CTTNBP2: variants seen among roughly 807,000 people sequenced by gnomAD.
CTTNBP2 encodes the protein cortactin binding protein 2.
A neutral mutation model predicts 156.9 loss-of-function variants in CTTNBP2; 108 were observed. That is an observed-to-expected ratio of 0.69 (90% CI 0.59 to 0.81). The LOEUF is 0.81. Among genes scored for constraint, CTTNBP2 ranks in the 30% least tolerant of loss-of-function variants. The probability of loss-of-function intolerance (pLI) is 0.00; values close to 1 mark genes in which losing one functional copy is unlikely to be tolerated. For missense variants in CTTNBP2, 1,924 were observed against 2,035.4 expected (o/e 0.95, Z 1.05); for synonymous variants, 767 against 751.8 (o/e 1.02, Z -0.33).
At chr7:117,868,049 C>T (rs185020381) in intron 1 of CTTNBP2, among the ~76,000 whole-genome samples, 3 of 152,252 alleles carry the variant, frequency 2.0e-5, no homozygotes, top group East Asian at 3.9e-4. Flanking sequence ...CAGATCTCCC[C>T]GCAGTCTCTA....
intron 2 of CTTNBP2, among the ~76,000 whole-genome samples, chr7:117,825,645 C>T (rs1296184396): frequency 6.6e-6 from 1 of 152,092 alleles, no homozygotes; most frequent in African/African-American, 2.4e-5. Context: ...TAGAATCTGT[C>T]GCTTCAAAGT....
intron 7 of CTTNBP2, 47 bp from the exon 8 acceptor site, chr7:117,777,812 G>A: frequency 6.5e-7 from 1 of 1,546,418 alleles, no homozygotes; most frequent in Non-Finnish European, 8.8e-7. Context: ...CAACATTAAT[G>A]TCAAGGAAAA....
intron 3 of CTTNBP2, among the ~76,000 whole-genome samples, chr7:117,795,223 C>T (rs1036447108): frequency 2.6e-5 from 4 of 152,132 alleles, no homozygotes; most frequent in African/African-American, 7.2e-5. Flanking sequence ...ATCTTATTCA[C>T]GTGGGAGCCT....
intron 2 of CTTNBP2, among the ~76,000 whole-genome samples, chr7:117,854,686 G>A (rs1362626715): frequency 6.6e-6 from 1 of 152,092 alleles, no homozygotes; most frequent in Non-Finnish European, 1.5e-5. Context: ...TAGTTTAAAG[G>A]TATACTTTTT....
chr7:117,842,000 C>T (rs565476488), intron 2 of CTTNBP2, among the ~76,000 whole-genome samples: 19 of 152,190 alleles, frequency 1.2e-4, no homozygotes, highest in East Asian at 1.2e-3. Context: ...GCATGAGAGA[C>T]GCTTGGAAAA....
intron 3 of CTTNBP2, among the ~76,000 whole-genome samples, chr7:117,805,907 T>A (rs1799910814): frequency 6.6e-6 from 1 of 152,154 alleles, no homozygotes. Context: ...CTACAAAGGA[T>A]ATGAAAATCC....
chr7:117,769,366 A>G (rs1797688077), intron 8 of CTTNBP2, among the ~76,000 whole-genome samples: 1 of 152,212 alleles, frequency 6.6e-6, no homozygotes, highest in East Asian at 1.9e-4. Flanking sequence ...TGGTGGAAGG[A>G]TAGGAAACTG....
At chr7:117,823,037 G>T (rs1310666822) in intron 2 of CTTNBP2, among the ~76,000 whole-genome samples, 1 of 152,114 alleles carries the variant, frequency 6.6e-6, no homozygotes, top group Non-Finnish European at 1.5e-5. Context: ...TTATGTCTTT[G>T]TGATAAATTG....
chr7:117,749,918 T>C (rs10247163), intron 12 of CTTNBP2, among the ~76,000 whole-genome samples: 32,068 of 151,944 alleles, frequency 0.21, 3,767 homozygotes, highest in Non-Finnish European at 0.22. Flanking sequence ...CAGTGGGAAA[T>C]TGTCTATTAG....
At chr7:117,768,774 T>C (rs1033057919) in intron 8 of CTTNBP2, among the ~76,000 whole-genome samples, 1 of 152,170 alleles carries the variant, frequency 6.6e-6, no homozygotes, top group Non-Finnish European at 1.5e-5. Flanking sequence ...TGGTTTGGTC[T>C]ATTTGTGAAC....
At chr7:117,805,429 T>C (rs973135742) in intron 3 of CTTNBP2, among the ~76,000 whole-genome samples, 1 of 152,200 alleles carries the variant, frequency 6.6e-6, no homozygotes, top group African/African-American at 2.4e-5. Flanking sequence ...GGCAGACTGC[T>C]TGTCTTCAAG....
At chr7:117,815,793 G>A (rs1180068695) in intron 2 of CTTNBP2, among the ~76,000 whole-genome samples, 1 of 152,108 alleles carries the variant, frequency 6.6e-6, no homozygotes, top group Non-Finnish European at 1.5e-5. Flanking sequence ...AATACAACTG[G>A]CAGGCCTGGT....
chr7:117,851,224 A>G (rs1802910163), intron 2 of CTTNBP2, among the ~76,000 whole-genome samples: 1 of 152,130 alleles, frequency 6.6e-6, no homozygotes, highest in South Asian at 2.1e-4. Flanking sequence ...GCAACATAGC[A>G]AGACCCTGTC....
chr7:117,791,297 C>A lies in CTTNBP2; in HGVS notation c.1899G>T (p.Thr633=). The A allele has an allele frequency of 1.2e-6, 2 of 1,614,116 alleles. No homozygotes were observed. Residue 633 remains threonine, a synonymous_variant, in exon 4 of 23, where the codon ACG becomes ACT. Coordinates refer to ENST00000160373, the MANE Select transcript of CTTNBP2 (RefSeq NM_033427.3). The part of the protein sequence containing the change: ...PAGCAVSALA[T]SQVGAWPAAT... ...CAGCAGGCCAGGCACCCACCTGAGA[C>A]GTGGCCAGGGCTGAAACGGCACAGC...
At chr7:117,742,254 C>T (rs932121859) in intron 14 of CTTNBP2, among the ~76,000 whole-genome samples, 1 of 152,158 alleles carries the variant, frequency 6.6e-6, no homozygotes, top group African/African-American at 2.4e-5. Flanking sequence ...GCCATGGTGT[C>T]TGTGGGATGA....
chr7:117,777,811 T>C, intron 7 of CTTNBP2, 46 bp from the exon 8 acceptor site: 1 of 1,550,290 alleles, frequency 6.5e-7, no homozygotes, highest in South Asian at 1.2e-5. Context: ...ACAACATTAA[T>C]GTCAAGGAAA....
chr7:117,819,720 G>A lies in CTTNBP2; in HGVS notation c.190-8731C>T, dbSNP rs186618366. ...GCTGAGAATGTCAGAGAAGAGGTAAGCTTTTCCTCTTCCCTCTCACCTCCC... is the reference window on the plus strand; with the variant it reads ...GCTGAGAATGTCAGAGAAGAGGTAAACTTTTCCTCTTCCCTCTCACCTCCC... On this transcript the variant is annotated intron_variant, in intron 2 of 22. Coordinates refer to ENST00000160373, the MANE Select transcript of CTTNBP2 (RefSeq NM_033427.3). 1.8e-4 allele frequency among the ~76,000 whole-genome samples: 27 copies of A among 152,212 alleles called. 1 individual carries two copies. The highest frequency in any genetic ancestry group is 6.3e-4 in the African/African-American group (26 of 41,546).
At chr7:117,828,908 A>G (rs553761155) in intron 2 of CTTNBP2, among the ~76,000 whole-genome samples, 15 of 152,380 alleles carry the variant, frequency 9.8e-5, no homozygotes, top group African/African-American at 3.6e-4. Context: ...ACATTATAAA[A>G]CAGTGAAATG....
intron 2 of CTTNBP2, among the ~76,000 whole-genome samples, chr7:117,829,911 T>C (rs1801500886): frequency 6.6e-6 from 1 of 152,212 alleles, no homozygotes; most frequent in Admixed American, 6.5e-5. Context: ...CTGTTTTGCC[T>C]GTGTAGTCTA....
Sources: allele counts gnomAD v4.1 joint callset (sites outside exome capture counted in the v4.1 genomes callset), GRCh38; gene constraint gnomAD v4.1.1; transcripts MANE v1.5; gene names NCBI Gene and HGNC (gene_info 2026-07-23, HGNC 2026-07-21).